Variants in KIAA0319 observed in about 807,000 individuals in gnomAD.
KIAA0319 encodes the protein dyslexia-associated protein KIAA0319.
Under a neutral mutation model 108.4 loss-of-function variants are expected in KIAA0319, and 83 were observed. That is an observed-to-expected ratio of 0.77 (90% confidence interval 0.64 to 0.92). The LOEUF (loss-of-function observed/expected upper bound fraction) is 0.92, where lower values mean the gene tolerates loss of function less well. Among genes scored for constraint, KIAA0319 ranks in the 40% least tolerant of loss-of-function variants. The pLI is 0.00. For missense variants in KIAA0319, 1,195 were observed against 1,322.4 expected, an observed-to-expected ratio of 0.90 and a Z score of 1.49; for synonymous variants, 484 against 510.4, an observed-to-expected ratio of 0.95 and a Z score of 0.70.
intron 1 of KIAA0319, among the ~76,000 whole-genome samples, chr6:24,630,508 CAAAAAAAAAA>C (rs66787757): frequency 3.8e-5 from 4 of 104,460 alleles, no homozygotes; most frequent in Non-Finnish European, 7.7e-5. Context: ...GATTCTGTCT[CAAAAAAAAAA>C]AAAAAAAAAA....
chr6:24,581,437 T>C (rs1582052302), intron 6 of KIAA0319, among the ~76,000 whole-genome samples: 1 of 152,274 alleles, frequency 6.6e-6, no homozygotes, highest in East Asian at 1.9e-4. Flanking sequence ...TCCCAGGAGA[T>C]GAAGTCAACA....
At chr6:24,566,493 T>C (rs1763914585) in intron 14 of KIAA0319, 104 bp downstream of exon 14, 12 of 1,046,454 alleles carry the variant, frequency 1.1e-5, no homozygotes, top group East Asian at 2.7e-5. Context: ...CTTATACTTA[T>C]ATCCTTTCCT....
chr6:24,627,446 C>G (rs994560686), intron 1 of KIAA0319, among the ~76,000 whole-genome samples: 2 of 134,294 alleles, frequency 1.5e-5, no homozygotes, highest in African/African-American at 5.9e-5. Flanking sequence ...GAGCATTTTC[C>G]CTCCCTCCCT....
intron 1 of KIAA0319, among the ~76,000 whole-genome samples, chr6:24,630,508 C>CAAAAAAAAAAAA (rs66787757): frequency 9.6e-6 from 1 of 104,446 alleles, no homozygotes; most frequent in African/African-American, 3.6e-5. Flanking sequence ...GATTCTGTCT[C>CAAAAAAAAAAAA]AAAAAAAAAA....
At position 24,599,559 on chromosome 6, in the gene KIAA0319, G is replaced by A; in HGVS notation, c.55+1490C>T. 3 of 589,130 alleles carry A rather than the reference G, an allele frequency of 5.1e-6. No individual in the cohort carries two copies. Among genetic ancestry groups the A allele is most frequent in the South Asian group, 3.0e-5 (2 of 67,510 alleles). 36.5% of individuals were successfully genotyped at this position (589,130 alleles called of 1,614,324 possible). On this transcript the variant is annotated intron_variant, in intron 2 of 20. Coordinates refer to ENST00000378214, the MANE Select transcript of KIAA0319 (RefSeq NM_014809.4). The surrounding 1 kb of genome is among the most constrained non-coding windows in gnomAD (Gnocchi z 4.1). ...GCTGGAGGGCGAGGAGAGCTGGCTG[G>A]AGTCTGGGATGCAGAACATGAATAT...
chr6:24,598,132 G>C lies in KIAA0319; in HGVS notation c.56-1514C>G, dbSNP rs545903314. 41 of 445,416 alleles carry C rather than the reference G, an allele frequency of 9.2e-5. No homozygotes were observed. In the East Asian group the frequency reaches 2.1e-3, roughly 23 times the overall value. 27.6% of individuals were successfully genotyped at this position (445,416 alleles called of 1,614,324 possible). On this transcript the variant is annotated intron_variant, in intron 2 of 20. Transcript: ENST00000378214. ...CATCAGCTCCTTGAGCTTCTCTCGA[G>C]TGGGCAGCAGCAGCAGCTTCCAAGG...
chr6:24,588,688 G>C lies in KIAA0319; in HGVS notation c.899C>G (p.Thr300Arg), dbSNP rs751748358. 2 of 1,613,836 alleles carry C rather than the reference G, an allele frequency of 1.2e-6. No homozygotes were observed. The highest frequency in any genetic ancestry group is 1.7e-6 in the Non-Finnish European group (2 of 1,179,918). Reference sequence around the variant, plus strand: ...GGGAGGTGTTGGGATGCTGTGCTCTGTACTCCCCGGGGTGACTGTGAGCAC... The same window carrying C: ...GGGAGGTGTTGGGATGCTGTGCTCTCTACTCCCCGGGGTGACTGTGAGCAC... ...SPVLTVTPGS[T>R]EHSIPTPPTS... is the part of the protein sequence containing the mutation. The change falls in exon 4 of 21, where the codon ACA (threonine) becomes AGA (arginine). Residue 300 changes from threonine (T) to arginine (R), a missense_variant. Thr to Arg is a moderately conservative substitution (Grantham distance 71, BLOSUM62 -1). Transcript: ENST00000378214.
At chr6:24,549,095 G>T (rs550684438) in intron 20 of KIAA0319, among the ~76,000 whole-genome samples, 2 of 152,178 alleles carry the variant, frequency 1.3e-5, no homozygotes, top group South Asian at 4.2e-4. Context: ...GCCGAGGCGG[G>T]TGGATCACTT....
rs139300467 is a variant in KIAA0319 at position 24,596,193 on chromosome 6, G to A, written c.481C>T (p.Arg161Trp). The A allele has an allele frequency of 1.9e-5, 30 of 1,614,106 alleles. No individual in the cohort carries two copies. The East Asian group carries it at 3.1e-4, about 17-fold the overall frequency. Residue 161 changes from arginine (R) to tryptophan (W), a missense_variant, in exon 3 of 21, where the codon CGG becomes TGG. Coordinates refer to ENST00000378214, the MANE Select transcript of KIAA0319 (RefSeq NM_014809.4). ...TGCAAGAGGTCCTTCTCCAGCTCCC[G>A]GTAGTCATCTGAGTACTCAGACATC... is the stretch of plus-strand genomic sequence containing the variant. ...EEMSEYSDDYRELEKDLLQPS... is the reference protein window; with the variant it reads ...EEMSEYSDDYWELEKDLLQPS...
chr6:24,556,150 T>C (rs1249814929), intron 18 of KIAA0319, among the ~76,000 whole-genome samples: 1 of 151,558 alleles, frequency 6.6e-6, no homozygotes, highest in Non-Finnish European at 1.5e-5. Flanking sequence ...CTCTTTTCTT[T>C]CCCTCTTTCC....
In KIAA0319 at chr6:24,616,268, T is replaced by C. The variant is rs191776119; in HGVS notation, c.-105-15060A>G. Among the ~76,000 whole-genome samples, 11 of 152,372 alleles carry C rather than the reference T, an allele frequency of 7.2e-5. No homozygotes were observed. The East Asian group carries it at 1.9e-3, about 27-fold the overall frequency. On this transcript the variant is annotated intron_variant, in intron 1 of 20. Transcript: ENST00000378214. ...TCTTGAGGTATCCTTAAAATTCATA[T>C]ATTCAAATACCATACAAGTCTAATT...
At chr6:24,575,998 A>G (rs1006572609) in intron 10 of KIAA0319, among the ~76,000 whole-genome samples, 1 of 152,260 alleles carries the variant, frequency 6.6e-6, no homozygotes, top group African/African-American at 2.4e-5. Context: ...TGGAGTTTCT[A>G]TAAACAGGAG....
At chr6:24,587,599 C>CT (rs1767733259) in intron 4 of KIAA0319, among the ~76,000 whole-genome samples, 1 of 147,502 alleles carries the variant, frequency 6.8e-6, no homozygotes, top group East Asian at 2.1e-4. Context: ...TCATTTTTTA[C>CT]TTTTTTCAAG....
chr6:24,643,397 A>G (rs1415887501), intron 1 of KIAA0319, among the ~76,000 whole-genome samples: 2 of 152,212 alleles, frequency 1.3e-5, no homozygotes, highest in Admixed American at 1.3e-4. Flanking sequence ...TCCACATAAC[A>G]AAACTGCACT....
intron 11 of KIAA0319, 90 bp from the exon 12 acceptor site, chr6:24,570,125 C>A (rs1041849771): frequency 5.3e-5 from 68 of 1,273,408 alleles, no homozygotes; most frequent in Non-Finnish European, 7.3e-5. Flanking sequence ...CATTACTCAT[C>A]TTCAGACCAG....
chr6:24,560,905 G>A (rs113231498), intron 16 of KIAA0319, among the ~76,000 whole-genome samples: 1 of 152,198 alleles, frequency 6.6e-6, no homozygotes, highest in Admixed American at 6.6e-5. Flanking sequence ...TTTGGTGGGG[G>A]GCAGGGGGTG....
intron 12 of KIAA0319, among the ~76,000 whole-genome samples, chr6:24,569,590 A>G (rs986660667): frequency 2.0e-5 from 3 of 152,234 alleles, no homozygotes; most frequent in Non-Finnish European, 4.4e-5. Flanking sequence ...TGGTGTCTAC[A>G]GTCACTGCAG....
chr6:24,561,992 C>G (rs1056684642), intron 16 of KIAA0319, among the ~76,000 whole-genome samples: 8 of 152,168 alleles, frequency 5.3e-5, no homozygotes. Context: ...CGTCAGCCAC[C>G]GCACCTGGCC....
rs1760564687 is a variant in KIAA0319, at chr6:24,545,914, TA to T, written c.*1250del. ...ACACTTGGTACCACAACACTGGTTC[TA>T]TCTCTCATTCTAATCTTCCCACAAA... On this transcript the variant is annotated 3_prime_UTR_variant, in exon 21 of 21. Coordinates refer to ENST00000378214, the MANE Select transcript of KIAA0319 (RefSeq NM_014809.4). 1.3e-5 allele frequency: 2 copies of T among 152,254 alleles called. No individual in the cohort carries two copies. Among genetic ancestry groups the T allele is most frequent in the African/African-American group, 4.8e-5 (2 of 41,456 alleles). 9.4% of individuals were successfully genotyped at this position (152,254 alleles called of 1,614,324 possible).
Sources: allele counts gnomAD v4.1 joint callset (sites outside exome capture counted in the v4.1 genomes callset), GRCh38; gene constraint gnomAD v4.1.1; non-coding constraint Gnocchi (gnomAD v3.1); transcripts MANE v1.5; gene names NCBI Gene and HGNC (gene_info 2026-07-23, HGNC 2026-07-21).